The following ASTN2 variants were observed in gnomAD, a reference collection of about 807,000 sequenced individuals.
The protein encoded by ASTN2 is astrotactin-2.
A neutral mutation model predicts 139.8 loss-of-function variants in ASTN2; 54 were observed. That is an observed-to-expected ratio of 0.39 (90% CI 0.31 to 0.48). The LOEUF is 0.48. Ranked by LOEUF, ASTN2 falls within the 20% of genes least tolerant of loss-of-function variation. The pLI, the probability that ASTN2 is intolerant of heterozygous loss-of-function variation, is 0.95. For missense variants in ASTN2, 1,565 were observed against 1,725.1 expected, an observed-to-expected ratio of 0.91 and a Z score of 1.64; for synonymous variants, 756 against 719.5, an observed-to-expected ratio of 1.05 and a Z score of -0.81.
chr9:116,455,559 A>G (rs1848308602), intron 20 of ASTN2, among the ~76,000 whole-genome samples: 1 of 152,088 alleles, frequency 6.6e-6, no homozygotes, highest in Admixed American at 6.5e-5. Context: ...CACTTCCAAA[A>G]GATATTATTT....
intron 2 of ASTN2, among the ~76,000 whole-genome samples, chr9:117,287,393 TATC>T (rs1834477146): frequency 1.3e-5 from 2 of 152,212 alleles, no homozygotes; most frequent in Non-Finnish European, 2.9e-5. Flanking sequence ...CATGAAATCT[TATC>T]AATTTAAATC....
chr9:116,515,036 G>A (rs1019935635), intron 19 of ASTN2, among the ~76,000 whole-genome samples: 1 of 152,142 alleles, frequency 6.6e-6, no homozygotes, highest in Non-Finnish European at 1.5e-5. Flanking sequence ...CCAGTGAGAT[G>A]AACCCAATAC....
intron 1 of ASTN2, among the ~76,000 whole-genome samples, chr9:117,395,342 G>T (rs1246236184): frequency 6.6e-6 from 1 of 152,052 alleles, no homozygotes; most frequent in East Asian, 1.9e-4. Context: ...GGGGAGAAGA[G>T]GTCTTTAAAA....
At chr9:117,146,903 T>C (rs1053435030) in intron 3 of ASTN2, among the ~76,000 whole-genome samples, 10 of 152,216 alleles carry the variant, frequency 6.6e-5, no homozygotes, top group African/African-American at 2.2e-4. Flanking sequence ...GAGAGGATTT[T>C]GAATGTTCCT....
chr9:117,251,711 A>G (rs1833543411), intron 2 of ASTN2, among the ~76,000 whole-genome samples: 1 of 152,222 alleles, frequency 6.6e-6, no homozygotes, highest in Non-Finnish European at 1.5e-5. Flanking sequence ...TAGAAAGTTC[A>G]CACTGGTAGC....
chr9:117,337,590 A>C (rs1243829393), intron 1 of ASTN2, among the ~76,000 whole-genome samples: 1 of 152,184 alleles, frequency 6.6e-6, no homozygotes, highest in South Asian at 2.1e-4. Context: ...TTCTGGAGGC[A>C]AAATAACTCT....
intron 1 of ASTN2, among the ~76,000 whole-genome samples, chr9:117,322,072 C>T (rs894745453): frequency 2.0e-5 from 3 of 152,014 alleles, no homozygotes; most frequent in African/African-American, 7.2e-5. Context: ...CTTCTCCCTC[C>T]CTCCCTCCCC....
chr9:116,832,354 T>C (rs186724534), intron 11 of ASTN2, among the ~76,000 whole-genome samples: 117 of 152,210 alleles, frequency 7.7e-4, no homozygotes, highest in African/African-American at 2.6e-3. Context: ...TTTGATTTTT[T>C]TTTTCCCTGT....
intron 1 of ASTN2, among the ~76,000 whole-genome samples, chr9:117,298,772 C>G: frequency 6.7e-6 from 1 of 149,632 alleles, no homozygotes; most frequent in East Asian, 2.0e-4. Context: ...CAGCTGACTT[C>G]CCTTATTGGA....
chr9:116,731,277 T>C (rs2132123913), intron 14 of ASTN2, among the ~76,000 whole-genome samples: 1 of 151,648 alleles, frequency 6.6e-6, no homozygotes, highest in African/African-American at 2.4e-5. Context: ...CAAGGATCCT[T>C]GAGTCAAAAC....
intron 10 of ASTN2, among the ~76,000 whole-genome samples, chr9:116,943,523 T>C (rs533563294): frequency 6.6e-6 from 1 of 152,284 alleles, no homozygotes; most frequent in African/African-American, 2.4e-5. Flanking sequence ...AAAATGTACA[T>C]TTAAAATGGG....
chr9:117,333,964 T>C (rs1049044452), intron 1 of ASTN2, among the ~76,000 whole-genome samples: 2 of 152,186 alleles, frequency 1.3e-5, no homozygotes, highest in East Asian at 3.9e-4. Context: ...GCATGAAGAA[T>C]AGGCTGCAGA....
intron 19 of ASTN2, among the ~76,000 whole-genome samples, chr9:116,517,252 G>A (rs532601676): frequency 6.6e-6 from 1 of 152,202 alleles, no homozygotes; most frequent in East Asian, 1.9e-4. Context: ...GACCATCACA[G>A]AGTCCACTTC....
Position 117,214,598 on chromosome 9 carries a change from G to T in ASTN2, c.775C>A (p.Leu259Met). The T allele has an allele frequency of 6.2e-7, 1 of 1,604,176 alleles. No homozygotes were observed. The change falls in exon 3 of 23, where the codon CTG (leucine) becomes ATG (methionine). Residue 259 changes from leucine (L) to methionine (M), a missense_variant. Leu to Met is a conservative substitution (Grantham distance 15). Transcript: ENST00000313400. ...THEIHYIPSV[L>M]LGPQARESFR... ...CTCTCCCGCGCCTGGGGACCCAGCA[G>T]CACAGATGGGATGTAGTGGATCTCA...
At chr9:117,298,183 C>T (rs975539389) in intron 1 of ASTN2, among the ~76,000 whole-genome samples, 3 of 152,208 alleles carry the variant, frequency 2.0e-5, no homozygotes, top group African/African-American at 7.2e-5. Context: ...AAGGCCCTTC[C>T]TGGCCTGTTA....
At chr9:116,752,794 T>C (rs529723390) in intron 13 of ASTN2, among the ~76,000 whole-genome samples, 5 of 152,282 alleles carry the variant, frequency 3.3e-5, no homozygotes, top group African/African-American at 1.2e-4. Context: ...CATTCTGGAA[T>C]TGCAAATTAA....
chr9:116,906,164 T>C (rs553839998), intron 10 of ASTN2, among the ~76,000 whole-genome samples: 1 of 152,138 alleles, frequency 6.6e-6, no homozygotes, highest in Non-Finnish European at 1.5e-5. Context: ...TCACAGGCTC[T>C]TGGGAAGACA....
chr9:116,962,980 C>G (rs552225007), intron 10 of ASTN2, among the ~76,000 whole-genome samples: 4 of 152,246 alleles, frequency 2.6e-5, no homozygotes, highest in Admixed American at 2.0e-4. Flanking sequence ...TCTCTCTGAG[C>G]TATTTACTGT....
At chr9:116,963,614 C>T (rs146080981) in intron 10 of ASTN2, among the ~76,000 whole-genome samples, 120 of 152,180 alleles carry the variant, frequency 7.9e-4, no homozygotes, top group East Asian at 3.3e-3. Context: ...AAAGTGTCCA[C>T]GACGATAGAG....
Sources: gnomAD v4.1 joint callset for allele counts (sites outside exome capture counted in the v4.1 genomes callset) on GRCh38, gnomAD v4.1.1 for gene constraint, MANE v1.5 for transcripts, NCBI Gene and HGNC (gene_info 2026-07-23, HGNC 2026-07-21) for gene names.